The following SGCZ variants were observed in gnomAD, a reference collection of about 807,000 sequenced individuals.
SGCZ encodes zeta-sarcoglycan.
SGCZ carries 40 observed loss-of-function variants against 41.3 expected under a neutral mutation model. The observed-to-expected ratio is 0.97, with a 90% CI of 0.75 to 1.26. The LOEUF is 1.26. Among genes scored for constraint, SGCZ ranks in the 50% most tolerant of loss-of-function variants. SGCZ has a pLI of 0.00. For synonymous variants in SGCZ, 206 were observed against 137.5 expected, an observed-to-expected ratio of 1.50 and a Z score of -3.49; for missense variants, 552 against 369.8, an observed-to-expected ratio of 1.49 and a Z score of -4.04.
At chr8:15,050,527 TGATGTAA>T (rs1222189692) in intron 1 of SGCZ, among the ~76,000 whole-genome samples, 1 of 152,168 alleles carries the variant, frequency 6.6e-6, no homozygotes, top group East Asian at 1.9e-4. Context: ...ATGTGACCCA[TGATGTAA>T]GAAGAGAACT....
chr8:15,211,732 T>C (rs541884035), intron 1 of SGCZ, among the ~76,000 whole-genome samples: 2 of 152,272 alleles, frequency 1.3e-5, no homozygotes, highest in African/African-American at 2.4e-5. Context: ...CCAATATTCT[T>C]ATATCTTCAA....
At chr8:14,265,530 T>G (rs1291947439) in intron 3 of SGCZ, among the ~76,000 whole-genome samples, 2 of 152,160 alleles carry the variant, frequency 1.3e-5, no homozygotes, top group Non-Finnish European at 2.9e-5. Context: ...AGATGTTAGC[T>G]CTGTTTAGAA....
chr8:14,210,769 A>T (rs893255913), intron 4 of SGCZ, among the ~76,000 whole-genome samples: 1 of 152,080 alleles, frequency 6.6e-6, no homozygotes, highest in Non-Finnish European at 1.5e-5. Context: ...ACCCAGCCCA[A>T]TTATTTCTAA....
chr8:14,677,039 T>A (rs1483885480), intron 1 of SGCZ, among the ~76,000 whole-genome samples: 2 of 151,898 alleles, frequency 1.3e-5, no homozygotes, highest in Non-Finnish European at 2.9e-5. Flanking sequence ...TGTTAACAGA[T>A]GACATAATTG....
At chr8:14,818,421 C>G (rs534426269) in intron 1 of SGCZ, among the ~76,000 whole-genome samples, 3 of 152,126 alleles carry the variant, frequency 2.0e-5, no homozygotes, top group Non-Finnish European at 4.4e-5. Flanking sequence ...CTAGCCAGAA[C>G]CAAAACCAAC....
intron 4 of SGCZ, among the ~76,000 whole-genome samples, chr8:14,194,267 A>G (rs1805198496): frequency 6.6e-6 from 1 of 151,962 alleles, no homozygotes; most frequent in African/African-American, 2.4e-5. Context: ...GATTGATCAA[A>G]ACATGAATGT....
At chr8:14,120,609 C>G (rs1453985881) in intron 5 of SGCZ, among the ~76,000 whole-genome samples, 1 of 151,738 alleles carries the variant, frequency 6.6e-6, no homozygotes, top group Non-Finnish European at 1.5e-5. Context: ...AAAAATAAAA[C>G]TAACATGGTT....
intron 1 of SGCZ, among the ~76,000 whole-genome samples, chr8:15,169,176 C>T (rs966846282): frequency 6.6e-6 from 1 of 152,146 alleles, no homozygotes; most frequent in South Asian, 2.1e-4. Context: ...CAAAACAGCG[C>T]CCCCTGTCAG....
intron 1 of SGCZ, among the ~76,000 whole-genome samples, chr8:14,775,859 G>A (rs1429975909): frequency 3.9e-5 from 6 of 152,154 alleles, no homozygotes; most frequent in Non-Finnish European, 8.8e-5. Context: ...TCTTTAATGT[G>A]ACACAGAAGA....
Position 14,530,652 on chromosome 8 carries a change from T to C in SGCZ, c.234+24080A>G, listed in dbSNP as rs541618042. Among the ~76,000 whole-genome samples the C allele has an allele frequency of 5.1e-4, 77 of 150,470 alleles. 2 individuals carry two copies. The South Asian group carries it at 0.016, about 31-fold the overall frequency. ...AATGAATCATCAAAAACCAGTTAAA[T>C]GACTTCAGAACTATATAAGTTAAAA... On this transcript the variant is annotated intron_variant, in intron 2 of 7. Transcript: ENST00000382080.
intron 2 of SGCZ, among the ~76,000 whole-genome samples, chr8:14,478,751 G>T (rs1056138109): frequency 3.9e-5 from 6 of 152,030 alleles, no homozygotes; most frequent in African/African-American, 1.4e-4. Context: ...AATATTCCCT[G>T]CTCCATTCAC....
At chr8:14,975,851 G>T (rs1443775183) in intron 1 of SGCZ, among the ~76,000 whole-genome samples, 2 of 137,818 alleles carry the variant, frequency 1.5e-5, no homozygotes, top group Admixed American at 7.3e-5. Context: ...TACTTATCAG[G>T]CTTTAAAATC....
intron 2 of SGCZ, among the ~76,000 whole-genome samples, chr8:14,410,897 A>G (rs1204927876): frequency 6.6e-6 from 1 of 152,188 alleles, no homozygotes; most frequent in Non-Finnish European, 1.5e-5. Flanking sequence ...TAAAAAGCAG[A>G]AATGTTTAGT....
chr8:14,914,028 A>C (rs1799355101), intron 1 of SGCZ, among the ~76,000 whole-genome samples: 2 of 152,114 alleles, frequency 1.3e-5, no homozygotes, highest in African/African-American at 4.8e-5. Flanking sequence ...CTTAATAGTC[A>C]GTTTATAAAA....
chr8:15,190,670 T>G (rs182918682), intron 1 of SGCZ, among the ~76,000 whole-genome samples: 1 of 149,064 alleles, frequency 6.7e-6, no homozygotes, highest in East Asian at 2.0e-4. Context: ...AATTCTTATT[T>G]AAAATTGTGT....
At chr8:14,220,037 A>T (rs1055533384) in intron 4 of SGCZ, among the ~76,000 whole-genome samples, 15 of 152,214 alleles carry the variant, frequency 9.9e-5, no homozygotes, top group African/African-American at 3.6e-4. Flanking sequence ...GAGCCTAGTT[A>T]TAGTGACTTA....
At chr8:15,134,247 C>A (rs1808023615) in intron 1 of SGCZ, among the ~76,000 whole-genome samples, 1 of 151,310 alleles carries the variant, frequency 6.6e-6, no homozygotes, top group Non-Finnish European at 1.5e-5. Context: ...TAGGTAGTAT[C>A]ATCTCATAAA....
chr8:15,010,483 G>A (rs1802784205), intron 1 of SGCZ, among the ~76,000 whole-genome samples: 1 of 152,002 alleles, frequency 6.6e-6, no homozygotes, highest in African/African-American at 2.4e-5. Flanking sequence ...TTATGTTGGT[G>A]GTCATTTCTG....
intron 1 of SGCZ, among the ~76,000 whole-genome samples, chr8:15,004,762 G>A (rs1046833968): frequency 2.6e-5 from 4 of 152,122 alleles, no homozygotes; most frequent in Admixed American, 6.5e-5. Flanking sequence ...TATAAGGAAG[G>A]AATAAGAGGT....
Sources: allele counts gnomAD v4.1 joint callset (sites outside exome capture counted in the v4.1 genomes callset), GRCh38; gene constraint gnomAD v4.1.1; transcripts MANE v1.5; gene names NCBI Gene and HGNC (gene_info 2026-07-23, HGNC 2026-07-21).